Variants in RBFOX1 observed in about 807,000 individuals in gnomAD.
The protein encoded by RBFOX1 is RNA binding protein fox-1 homolog 1.
In RBFOX1, 8 loss-of-function variants were observed where a neutral mutation model predicts 57.7. The observed-to-expected ratio is 0.14, with a 90% CI of 0.08 to 0.25. The LOEUF is 0.25. Among genes scored for constraint, RBFOX1 ranks in the 10% least tolerant of loss-of-function variants. The pLI, the probability that RBFOX1 is intolerant of heterozygous loss-of-function variation, is 1.00. For missense variants in RBFOX1, 611 were observed against 548.5 expected (o/e 1.11, Z -1.14); for synonymous variants, 326 against 222.4 (o/e 1.47, Z -4.15).
At chr16:7,281,733 A>T (rs566180693) in intron 4 of RBFOX1, among the ~76,000 whole-genome samples, 27 of 152,226 alleles carry the variant, frequency 1.8e-4, no homozygotes, top group African/African-American at 5.8e-4. Flanking sequence ...CTATTGAGGG[A>T]AACGTGGGTT....
chr16:7,550,963 G>C (rs1033736647), intron 5 of RBFOX1, among the ~76,000 whole-genome samples: 3 of 151,616 alleles, frequency 2.0e-5, no homozygotes, highest in Non-Finnish European at 4.4e-5. Context: ...GCATGGTGGC[G>C]GGTACCTGTA....
rs146081404 is a variant in RBFOX1 at position 5,977,846 on chromosome 16, T to C, written c.351+110511T>C. On this transcript the variant is annotated intron_variant, in intron 4 of 19. Transcript: ENST00000641259. ...TAGGTTTTCTACTCAAAAAGCCTTT[T>C]TTGGCTTTTTGAGTCGAAATTTATG... 3.2e-3 allele frequency among the ~76,000 whole-genome samples: 491 copies of C among 152,218 alleles called. 8 individuals are homozygous for C. In the East Asian group the frequency reaches 0.043, roughly 13 times the overall value.
intron 2 of RBFOX1, among the ~76,000 whole-genome samples, chr16:6,367,586 T>C (rs987024347): frequency 5.3e-5 from 8 of 152,062 alleles, no homozygotes; most frequent in African/African-American, 1.7e-4. Context: ...TGGATTTTCT[T>C]ATGCATTTGA....
intron 1 of RBFOX1, among the ~76,000 whole-genome samples, chr16:5,339,021 C>G (rs1003515726): frequency 5.3e-5 from 8 of 151,176 alleles, no homozygotes; most frequent in African/African-American, 1.9e-4. Context: ...TTTTTTGTGG[C>G]AAGAACACAA....
At chr16:5,743,995 C>A (rs955185202) in intron 3 of RBFOX1, among the ~76,000 whole-genome samples, 5 of 152,184 alleles carry the variant, frequency 3.3e-5, no homozygotes, top group South Asian at 2.1e-4. Context: ...CTTCAAAGGA[C>A]CTATCTTACG....
chr16:6,990,334 G>A (rs1329928181), intron 3 of RBFOX1, among the ~76,000 whole-genome samples: 1 of 152,062 alleles, frequency 6.6e-6, no homozygotes, highest in East Asian at 1.9e-4. Flanking sequence ...AGACCAGCCT[G>A]GCCAACATGG....
At chr16:6,731,585 A>T (rs2068599973) in intron 3 of RBFOX1, among the ~76,000 whole-genome samples, 1 of 151,986 alleles carries the variant, frequency 6.6e-6, no homozygotes, top group African/African-American at 2.4e-5. Context: ...GGCAATTAAT[A>T]CTCCAGGGAA....
chr16:6,148,173 A>G lies in RBFOX1; in HGVS notation c.-127+128181A>G, dbSNP rs1342106029. ...GTGAAACCCGTCTCTACTAAAATAC[A>G]GAAATTAGCCGAGTGTGGTGGCATG... On this transcript the variant is annotated intron_variant, in intron 1 of 15. Coordinates refer to ENST00000550418, the MANE Select transcript of RBFOX1 (RefSeq NM_018723.4). Among the ~76,000 whole-genome samples, 4 of 152,196 alleles carry G rather than the reference A, an allele frequency of 2.6e-5. No individual in the cohort carries two copies. In the East Asian group the frequency reaches 7.7e-4, roughly 29 times the overall value.
At chr16:7,673,173 T>A (rs1427167135) in intron 13 of RBFOX1, among the ~76,000 whole-genome samples, 1 of 152,108 alleles carries the variant, frequency 6.6e-6, no homozygotes, top group Non-Finnish European at 1.5e-5. Context: ...TCCCCTCCCC[T>A]ATTTCACTGT....
chr16:6,064,075 A>G (rs927472856), intron 1 of RBFOX1, among the ~76,000 whole-genome samples: 8 of 152,202 alleles, frequency 5.3e-5, no homozygotes, highest in African/African-American at 1.7e-4. Flanking sequence ...GTATGCGAGT[A>G]TGATACATTC....
At chr16:7,096,931 C>CAAAAA (rs59519427) in intron 4 of RBFOX1, among the ~76,000 whole-genome samples, 30 of 69,072 alleles carry the variant, frequency 4.3e-4, no homozygotes, top group African/African-American at 1.0e-3. Context: ...GACTCCATCT[C>CAAAAA]AAAAAAAAAA....
chr16:7,610,910 C>T (rs927819472), intron 10 of RBFOX1, among the ~76,000 whole-genome samples: 2 of 152,140 alleles, frequency 1.3e-5, no homozygotes, highest in African/African-American at 4.8e-5. Context: ...ATTTCCCCAG[C>T]TATAAAAATA....
chr16:7,426,034 A>G (rs948423640), intron 4 of RBFOX1, among the ~76,000 whole-genome samples: 4 of 152,196 alleles, frequency 2.6e-5, no homozygotes, highest in Non-Finnish European at 4.4e-5. Context: ...GGATGTCGGG[A>G]GAGACCCACT....
intron 3 of RBFOX1, among the ~76,000 whole-genome samples, chr16:5,754,220 A>G (rs375341943): frequency 2.6e-5 from 4 of 152,330 alleles, no homozygotes; most frequent in South Asian, 4.1e-4. Context: ...TAACTTCTCT[A>G]TGCCTCAAAT....
At chr16:6,932,228 C>A (rs767030459) in intron 3 of RBFOX1, among the ~76,000 whole-genome samples, 2 of 152,144 alleles carry the variant, frequency 1.3e-5, no homozygotes, top group Non-Finnish European at 2.9e-5. Context: ...CTCGGCCTCC[C>A]AAGTAGCTGG....
intron 4 of RBFOX1, among the ~76,000 whole-genome samples, chr16:7,467,481 A>C (rs2060743280): frequency 6.6e-6 from 1 of 152,180 alleles, no homozygotes; most frequent in Non-Finnish European, 1.5e-5. Context: ...AGAACATTCA[A>C]CCCTTAGAAT....
chr16:5,754,497 G>A (rs1199314569), intron 3 of RBFOX1, among the ~76,000 whole-genome samples: 1 of 144,442 alleles, frequency 6.9e-6, no homozygotes, highest in African/African-American at 2.6e-5. Flanking sequence ...GAAATAAGGG[G>A]ACCCGGGGAA....
intron 4 of RBFOX1, among the ~76,000 whole-genome samples, chr16:7,195,420 T>G (rs1256234824): frequency 6.6e-6 from 1 of 152,194 alleles, no homozygotes; most frequent in African/African-American, 2.4e-5. Context: ...GTGATCATTA[T>G]TACACGACCT....
Position 6,183,973 on chromosome 16 carries a change from A to C in RBFOX1, c.-126-133022A>C, listed in dbSNP as rs569548315. Among the ~76,000 whole-genome samples, 126 of 152,312 alleles carry C rather than the reference A, an allele frequency of 8.3e-4. 1 individual carries two copies. The highest frequency in any genetic ancestry group is 1.5e-3 in the Non-Finnish European group (100 of 68,024). ...CCTGAGAGTGGGTCATTTATAAAGAAAAAAGTGGTTTAATGGACTTCCAGT... is the reference window on the plus strand; with the variant it reads ...CCTGAGAGTGGGTCATTTATAAAGACAAAAGTGGTTTAATGGACTTCCAGT... On this transcript the variant is annotated intron_variant, in intron 1 of 15. Coordinates refer to ENST00000550418, the MANE Select transcript of RBFOX1 (RefSeq NM_018723.4).
Sources: allele counts gnomAD v4.1 joint callset (sites outside exome capture counted in the v4.1 genomes callset), GRCh38; gene constraint gnomAD v4.1.1; transcripts MANE v1.5; gene names NCBI Gene and HGNC (gene_info 2026-07-23, HGNC 2026-07-21).